The following CTSC variants were observed in gnomAD, a reference collection of about 807,000 sequenced individuals.
The protein encoded by CTSC is cathepsin C.
A neutral mutation model predicts 40.9 loss-of-function variants in CTSC; 37 were observed. The observed-to-expected ratio is 0.91, with a 90% CI of 0.70 to 1.19. The LOEUF (loss-of-function observed/expected upper bound fraction) is 1.19, where lower values mean the gene tolerates loss of function less well. CTSC is among the 50% of genes most tolerant of loss of function. CTSC has a pLI of 0.00. For missense variants in CTSC, 594 were observed against 567.3 expected (o/e 1.05, Z -0.48); for synonymous variants, 232 against 207.4 (o/e 1.12, Z -1.02).
At chr11:88,324,009 T>C (rs1938107569) in intron 2 of CTSC, 1 of 152,104 alleles carries the variant, frequency 6.6e-6, no homozygotes, top group African/African-American at 2.4e-5. Flanking sequence ...TCTTTCATAC[T>C]ATACTACAAG....
At chr11:88,316,352 T>C (rs1937877002) in intron 2 of CTSC, among the ~76,000 whole-genome samples, 1 of 152,142 alleles carries the variant, frequency 6.6e-6, no homozygotes, top group Non-Finnish European at 1.5e-5. Context: ...CTCATGCCTT[T>C]AATCCCAGCA....
chr11:88,295,004 T>C (rs536422789), intron 6 of CTSC, among the ~76,000 whole-genome samples: 1 of 152,344 alleles, frequency 6.6e-6, no homozygotes, highest in African/African-American at 2.4e-5. Context: ...CTTTCCTACC[T>C]TCCTCATGCA....
intron 1 of CTSC, 32 bp downstream of exon 1, chr11:88,337,469 C>T: frequency 6.4e-7 from 1 of 1,554,816 alleles, no homozygotes; most frequent in South Asian, 1.2e-5. Flanking sequence ...GCAGAAAGGA[C>T]GACCCGGAGG....
At chr11:88,318,516 C>T (rs943152058) in intron 2 of CTSC, among the ~76,000 whole-genome samples, 1 of 152,224 alleles carries the variant, frequency 6.6e-6, no homozygotes, top group African/African-American at 2.4e-5. Context: ...AAACTGCCAA[C>T]TGGGCAGCTG....
At chr11:88,296,100 G>C (rs1225265200) in intron 6 of CTSC, 33 bp downstream of exon 6, 1 of 1,611,388 alleles carries the variant, frequency 6.2e-7, no homozygotes, top group Admixed American at 1.7e-5. Context: ...CAGGTAAATA[G>C]CTCATAAATG....
intron 4 of CTSC, among the ~76,000 whole-genome samples, chr11:88,302,276 A>C (rs1467281504): frequency 6.6e-6 from 1 of 152,124 alleles, no homozygotes; most frequent in East Asian, 1.9e-4. Context: ...CTCTGCACCT[A>C]TCCACAAATG....
At chr11:88,315,297 A>T (rs1215922345) in intron 2 of CTSC, among the ~76,000 whole-genome samples, 4 of 152,198 alleles carry the variant, frequency 2.6e-5, no homozygotes, top group Non-Finnish European at 4.4e-5. Flanking sequence ...TGACACACAT[A>T]CACAAACAAA....
intron 4 of CTSC, among the ~76,000 whole-genome samples, chr11:88,306,094 C>G (rs913884242): frequency 6.6e-6 from 1 of 152,190 alleles, no homozygotes; most frequent in African/African-American, 2.4e-5. Flanking sequence ...TTTTGATTAA[C>G]TAGAGCATTT....
chr11:88,323,313 A>C (rs1370072855), intron 2 of CTSC: 3 of 152,200 alleles, frequency 2.0e-5, no homozygotes, highest in Non-Finnish European at 4.4e-5. Context: ...AGATAATATC[A>C]TACTGAATGG....
At chr11:88,295,504 T>A (rs778787695) in intron 6 of CTSC, among the ~76,000 whole-genome samples, 1 of 151,960 alleles carries the variant, frequency 6.6e-6, no homozygotes, top group Non-Finnish European at 1.5e-5. Context: ...CTCCGCCTCC[T>A]GAATAGCTGG....
At chr11:88,300,679 T>A (rs776346512) in intron 4 of CTSC, 34 bp from the exon 5 acceptor site, 5 of 1,245,670 alleles carry the variant, frequency 4.0e-6, no homozygotes, top group Non-Finnish European at 5.9e-6. Flanking sequence ...TATCAACATA[T>A]AATCTTTCCT....
At chr11:88,333,262 C>A (rs776635308) in intron 2 of CTSC, among the ~76,000 whole-genome samples, 8 of 152,170 alleles carry the variant, frequency 5.3e-5, no homozygotes, top group Non-Finnish European at 1.0e-4. Flanking sequence ...TTTTCTAAGT[C>A]AAAAGAATAA....
At chr11:88,326,263 C>T in intron 2 of CTSC, 1 of 1,557,664 alleles carries the variant, frequency 6.4e-7, no homozygotes, top group Non-Finnish European at 8.7e-7. Context: ...GGTAGGTCAC[C>T]AGGACTCCTT....
intron 2 of CTSC, among the ~76,000 whole-genome samples, chr11:88,329,876 G>A (rs1391655755): frequency 2.0e-5 from 3 of 152,138 alleles, no homozygotes; most frequent in Non-Finnish European, 2.9e-5. Flanking sequence ...ACAGGCGTGC[G>A]CTGCTATGCC....
intron 2 of CTSC, among the ~76,000 whole-genome samples, chr11:88,329,423 G>A (rs1354933626): frequency 2.8e-5 from 4 of 142,526 alleles, no homozygotes; most frequent in African/African-American, 1.1e-4. Flanking sequence ...TGGAAGGAGC[G>A]AGGGCCTGGG....
At chr11:88,318,908 C>G (rs926683411) in intron 2 of CTSC, among the ~76,000 whole-genome samples, 1 of 151,856 alleles carries the variant, frequency 6.6e-6, no homozygotes, top group Non-Finnish European at 1.5e-5. Flanking sequence ...AACACCGGCT[C>G]AAAAATAAAT....
At chr11:88,337,429 T>A (rs548572001) in intron 1 of CTSC, 72 bp downstream of exon 1, 1 of 1,457,022 alleles carries the variant, frequency 6.9e-7, no homozygotes. Flanking sequence ...GAAGCGGTAG[T>A]TGGCGTGGCG....
Position 88,302,353 on chromosome 11 carries a change from C to T in CTSC, c.642-1708G>A, listed in dbSNP as rs544940388. Among the ~76,000 whole-genome samples, 6 of 152,210 alleles carry T rather than the reference C, an allele frequency of 3.9e-5. No homozygotes were observed. In the South Asian group the frequency reaches 1.0e-3, roughly 26 times the overall value. Reference sequence around the variant, plus strand: ...AGAATACATGACAAGGGGCCAGGCGCGGTGGCTCACGCCTGTAATCCCAGC... The same window carrying T: ...AGAATACATGACAAGGGGCCAGGCGTGGTGGCTCACGCCTGTAATCCCAGC... On this transcript the variant is annotated intron_variant, in intron 4 of 6. Coordinates refer to ENST00000227266, the MANE Select transcript of CTSC (RefSeq NM_001814.6).
At chr11:88,302,812 T>C (rs548335466) in intron 4 of CTSC, among the ~76,000 whole-genome samples, 23 of 152,082 alleles carry the variant, frequency 1.5e-4, no homozygotes, top group Non-Finnish European at 3.1e-4. Context: ...GTTGAAGATA[T>C]ACATGATACA....
Sources: gnomAD v4.1 joint callset for allele counts (sites outside exome capture counted in the v4.1 genomes callset) on GRCh38, gnomAD v4.1.1 for gene constraint, MANE v1.5 for transcripts, NCBI Gene and HGNC (gene_info 2026-07-23, HGNC 2026-07-21) for gene names.